VPS13B: variants seen among roughly 807,000 people sequenced by gnomAD.
VPS13B encodes intermembrane lipid transfer protein VPS13B.
Under a neutral mutation model 426.4 loss-of-function variants are expected in VPS13B, and 285 were observed. The ratio of observed to expected loss-of-function variants is 0.67; its 90% CI spans 0.61 to 0.74. The LOEUF (loss-of-function observed/expected upper bound fraction) is 0.74, where lower values mean the gene tolerates loss of function less well. Ranked by LOEUF, VPS13B falls within the 30% of genes least tolerant of loss-of-function variation. The pLI is 0.00. For synonymous variants in VPS13B, 1,676 were observed against 1,676.4 expected, an observed-to-expected ratio of 1.00 and a Z score of 0.01; for missense variants, 4,537 against 4,782.6, an observed-to-expected ratio of 0.95 and a Z score of 1.51.
intron 43 of VPS13B, among the ~76,000 whole-genome samples, chr8:99,796,191 GAGGTA>G (rs1302591382): frequency 6.6e-6 from 1 of 152,136 alleles, no homozygotes; most frequent in Non-Finnish European, 1.5e-5. Flanking sequence ...GGAACTGAGT[GAGGTA>G]AGAATTGAAA....
At chr8:99,108,015 T>C (rs1405965117) in intron 5 of VPS13B, among the ~76,000 whole-genome samples, 2 of 152,180 alleles carry the variant, frequency 1.3e-5, no homozygotes, top group Non-Finnish European at 2.9e-5. Context: ...CACCCTCAAG[T>C]AGGCCTTGGT....
At chr8:99,458,900 C>T (rs544700488) in intron 23 of VPS13B, among the ~76,000 whole-genome samples, 40 of 152,258 alleles carry the variant, frequency 2.6e-4, no homozygotes, top group Admixed American at 1.2e-3. Context: ...GTTTCTTTTG[C>T]AGTGCAGAAG....
At chr8:99,268,907 T>C (rs1433512624) in intron 17 of VPS13B, among the ~76,000 whole-genome samples, 1 of 151,936 alleles carries the variant, frequency 6.6e-6, no homozygotes, top group African/African-American at 2.4e-5. Context: ...CAGTGGGAGG[T>C]AGTTGGATCA....
chr8:99,821,506 G>A (rs1205727421), intron 50 of VPS13B, 24 bp downstream of exon 50: 3 of 1,613,190 alleles, frequency 1.9e-6, no homozygotes, highest in Non-Finnish European at 1.7e-6. Flanking sequence ...CTATGTGGCT[G>A]GGAGGAAATA....
chr8:99,190,033 T>A (rs1813468555), intron 16 of VPS13B, among the ~76,000 whole-genome samples: 1 of 152,126 alleles, frequency 6.6e-6, no homozygotes, highest in South Asian at 2.1e-4. Context: ...GAGAGAGGAG[T>A]GTTGAAATGT....
Position 99,502,822 on chromosome 8 carries a change from G to A in VPS13B, c.4043-14G>A. The A allele has an allele frequency of 1.3e-6, 2 of 1,568,222 alleles. No homozygotes were observed. Among genetic ancestry groups the A allele is most frequent in the African/African-American group, 1.4e-5 (1 of 74,026 alleles). On this transcript the variant is annotated splice_polypyrimidine_tract_variant and intron_variant, in intron 26 of 61. Coordinates refer to ENST00000357162, the MANE Select transcript of VPS13B (RefSeq NM_152564.5). ...GAAGACTGTGTTGATATTACTGCTT[G>A]TTTCTTATTGCAGAGGTTTGTATGG...
intron 16 of VPS13B, among the ~76,000 whole-genome samples, chr8:99,186,581 A>G (rs1813232458): frequency 6.6e-6 from 1 of 152,146 alleles, no homozygotes; most frequent in Non-Finnish European, 1.5e-5. Flanking sequence ...TTACATTAAC[A>G]GATAATTGTG....
chr8:99,756,707 A>G (rs1300215198), intron 39 of VPS13B, among the ~76,000 whole-genome samples: 1 of 152,218 alleles, frequency 6.6e-6, no homozygotes, highest in Admixed American at 6.5e-5. Context: ...TAAAAAGACT[A>G]CTAATGAGAA....
At chr8:99,813,275 A>G (rs1375784000) in intron 44 of VPS13B, among the ~76,000 whole-genome samples, 2 of 152,172 alleles carry the variant, frequency 1.3e-5, no homozygotes, top group Admixed American at 6.5e-5. Flanking sequence ...GAGACTATAA[A>G]AACCCACCAA....
chr8:99,782,434 G>T (rs1812067186), intron 42 of VPS13B, among the ~76,000 whole-genome samples: 1 of 151,996 alleles, frequency 6.6e-6, no homozygotes, highest in Non-Finnish European at 1.5e-5. Flanking sequence ...TGCTCTGAAG[G>T]TGAAATATAG....
chr8:99,507,081 A>C, intron 27 of VPS13B, 56 bp from the exon 28 acceptor site: 1 of 1,595,176 alleles, frequency 6.3e-7, no homozygotes, highest in Non-Finnish European at 8.6e-7. Context: ...TGTATGTTCA[A>C]TTTCTTAACT....
chr8:99,529,571 T>C (rs968171826), intron 30 of VPS13B, among the ~76,000 whole-genome samples: 9 of 152,158 alleles, frequency 5.9e-5, no homozygotes, highest in Admixed American at 2.6e-4. Flanking sequence ...CATTATAAAA[T>C]GTAAAAGGGA....
At chr8:99,348,007 G>A (rs549750073) in intron 19 of VPS13B, 1 of 152,426 alleles carries the variant, frequency 6.6e-6, no homozygotes, top group Non-Finnish European at 1.5e-5. Flanking sequence ...CTCTGCTTAT[G>A]AACTGCACTG....
chr8:99,227,929 G>A (rs1816100865), intron 17 of VPS13B, among the ~76,000 whole-genome samples: 1 of 152,090 alleles, frequency 6.6e-6, no homozygotes, highest in Non-Finnish European at 1.5e-5. Context: ...CAGACTCTGG[G>A]GGCTTATTTT....
chr8:99,365,338 G>C (rs1313111590), intron 19 of VPS13B, among the ~76,000 whole-genome samples: 1 of 150,852 alleles, frequency 6.6e-6, no homozygotes, highest in Non-Finnish European at 1.5e-5. Flanking sequence ...TGCTTTTCCA[G>C]TTATTTAAGA....
intron 17 of VPS13B, among the ~76,000 whole-genome samples, chr8:99,216,081 A>G (rs1815376706): frequency 2.0e-5 from 3 of 152,210 alleles, no homozygotes; most frequent in Admixed American, 6.5e-5. Context: ...AGAAAGGGGT[A>G]TGAGTAGTAG....
At chr8:99,024,060 G>A (rs921192593) in intron 2 of VPS13B, among the ~76,000 whole-genome samples, 3 of 152,074 alleles carry the variant, frequency 2.0e-5, no homozygotes, top group African/African-American at 7.2e-5. Context: ...ATCCTCAGCA[G>A]TATTTTGTTT....
intron 33 of VPS13B, among the ~76,000 whole-genome samples, chr8:99,615,816 T>C (rs781393756): frequency 6.6e-6 from 1 of 152,182 alleles, no homozygotes; most frequent in Non-Finnish European, 1.5e-5. Flanking sequence ...AATTCAGTGA[T>C]TATTTTTGGA....
At position 99,249,926 on chromosome 8, in the gene VPS13B, G is replaced by C. The variant is rs147128313; in HGVS notation, c.2516-24272G>C. 9.4e-3 allele frequency among the ~76,000 whole-genome samples: 1,427 copies of C among 152,186 alleles called. 30 individuals carry two copies. Among genetic ancestry groups the C allele is most frequent in the African/African-American group, 0.033 (1,366 of 41,516 alleles). ...CATGTCTCTTGCGGTTGGGGGTGGT[G>C]GGGGAGAAACTGCCAAACAGTTTTC... On this transcript the variant is annotated intron_variant, in intron 17 of 61. Coordinates refer to ENST00000357162, the MANE Select transcript of VPS13B (RefSeq NM_152564.5).
Sources: gnomAD v4.1 joint callset for allele counts (sites outside exome capture counted in the v4.1 genomes callset) on GRCh38, gnomAD v4.1.1 for gene constraint, MANE v1.5 for transcripts, NCBI Gene and HGNC (gene_info 2026-07-23, HGNC 2026-07-21) for gene names.